Variants in LRP1B observed in about 807,000 individuals in gnomAD.
LRP1B encodes the protein LDL receptor related protein 1B.
In LRP1B, 217 loss-of-function variants were observed where a neutral mutation model predicts 556.6. That is an observed-to-expected ratio of 0.39 (90% CI 0.35 to 0.44). The LOEUF is 0.44. LRP1B is among the 20% of genes least tolerant of loss of function. LRP1B has a pLI of 1.00. For synonymous variants in LRP1B, 2,047 were observed against 1,865.8 expected, an observed-to-expected ratio of 1.10 and a Z score of -2.50; for missense variants, 5,053 against 5,620.8, an observed-to-expected ratio of 0.90 and a Z score of 3.23.
intron 79 of LRP1B, among the ~76,000 whole-genome samples, chr2:140,331,142 G>T (rs658832): frequency 0.68 from 104,063 of 152,004 alleles, 35,958 homozygotes; most frequent in Non-Finnish European, 0.74. Context: ...TGTAGCACTG[G>T]TCACAATAGC....
chr2:140,740,318 G>A (rs1431479375), intron 35 of LRP1B, among the ~76,000 whole-genome samples: 1 of 152,136 alleles, frequency 6.6e-6, no homozygotes, highest in Non-Finnish European at 1.5e-5. Flanking sequence ...GTGTATGATG[G>A]AATACTACTC....
chr2:141,399,465 T>C (rs1439289457), intron 3 of LRP1B, among the ~76,000 whole-genome samples: 3 of 152,132 alleles, frequency 2.0e-5, no homozygotes, highest in African/African-American at 4.8e-5. Context: ...CTGCAGAGCA[T>C]GTGCTTATGG....
At chr2:140,588,547 G>A (rs1306877348) in intron 43 of LRP1B, among the ~76,000 whole-genome samples, 2 of 152,202 alleles carry the variant, frequency 1.3e-5, no homozygotes, top group African/African-American at 4.8e-5. Flanking sequence ...GAAAATCAAG[G>A]CTGTGTGTTA....
At chr2:141,914,133 T>A (rs1260040191) in intron 1 of LRP1B, among the ~76,000 whole-genome samples, 1 of 152,172 alleles carries the variant, frequency 6.6e-6, no homozygotes, top group East Asian at 1.9e-4. Context: ...CCTAGGAATA[T>A]GAGGTAACAA....
At chr2:140,864,097 T>C (rs1692878647) in intron 27 of LRP1B, among the ~76,000 whole-genome samples, 1 of 151,888 alleles carries the variant, frequency 6.6e-6, no homozygotes. Context: ...TTAGTATTTC[T>C]CTGTCTTAGG....
intron 1 of LRP1B, among the ~76,000 whole-genome samples, chr2:142,109,249 A>C (rs941151464): frequency 3.3e-5 from 5 of 152,212 alleles, no homozygotes; most frequent in African/African-American, 1.2e-4. Flanking sequence ...ACTAGGAAAA[A>C]GGACATTTAG....
chr2:141,151,684 C>G (rs908748711), intron 7 of LRP1B, among the ~76,000 whole-genome samples: 1 of 152,086 alleles, frequency 6.6e-6, no homozygotes, highest in Non-Finnish European at 1.5e-5. Context: ...CTGGGGATCC[C>G]AGTCTCGAGC....
intron 55 of LRP1B, among the ~76,000 whole-genome samples, chr2:140,498,498 G>A (rs575523705): frequency 1.3e-5 from 2 of 151,794 alleles, no homozygotes; most frequent in Non-Finnish European, 1.5e-5. Context: ...CATTCTATTT[G>A]TTTTACTGCA....
At chr2:140,676,214 G>A (rs912673969) in intron 41 of LRP1B, among the ~76,000 whole-genome samples, 10 of 152,064 alleles carry the variant, frequency 6.6e-5, no homozygotes, top group Admixed American at 2.6e-4. Context: ...AGATAAAAGC[G>A]CAAGAGTACA....
At chr2:141,665,049 C>T (rs1377470061) in intron 2 of LRP1B, among the ~76,000 whole-genome samples, 1 of 152,094 alleles carries the variant, frequency 6.6e-6, no homozygotes, top group African/African-American at 2.4e-5. Flanking sequence ...AGAAATAAGA[C>T]TGCACATCTA....
chr2:141,283,088 T>A (rs1017764158), intron 3 of LRP1B, among the ~76,000 whole-genome samples: 5 of 152,152 alleles, frequency 3.3e-5, no homozygotes, highest in African/African-American at 1.2e-4. Flanking sequence ...ATTATTCAAG[T>A]TTATACACAA....
chr2:140,427,444 A>T (rs1259008947), intron 66 of LRP1B, among the ~76,000 whole-genome samples: 4 of 152,060 alleles, frequency 2.6e-5, no homozygotes, highest in African/African-American at 9.7e-5. Flanking sequence ...GTTCTTAAGA[A>T]CTTAAAACCT....
intron 86 of LRP1B, among the ~76,000 whole-genome samples, chr2:140,269,609 A>C (rs1682368265): frequency 6.6e-6 from 1 of 151,924 alleles, no homozygotes; most frequent in South Asian, 2.1e-4. Flanking sequence ...CAGTGATGAA[A>C]CTCACAACAG....
At chr2:141,723,193 G>C (rs933445665) in intron 2 of LRP1B, among the ~76,000 whole-genome samples, 105 of 150,276 alleles carry the variant, frequency 7.0e-4, no homozygotes, top group African/African-American at 2.5e-3. Flanking sequence ...TTTCATTATT[G>C]TTTTAGTTCA....
intron 3 of LRP1B, among the ~76,000 whole-genome samples, chr2:141,268,391 G>A (rs1684967963): frequency 6.6e-6 from 1 of 152,128 alleles, no homozygotes; most frequent in South Asian, 2.1e-4. Context: ...TTCTAATGCA[G>A]TAAAATCTAA....
intron 2 of LRP1B, among the ~76,000 whole-genome samples, chr2:141,677,855 G>C (rs935985848): frequency 2.6e-5 from 4 of 152,284 alleles, no homozygotes; most frequent in Admixed American, 6.5e-5. Context: ...CCATAACCTA[G>C]CCTTGGGGAA....
chr2:141,112,702 C>A (rs1376822267), intron 7 of LRP1B, among the ~76,000 whole-genome samples: 1 of 152,120 alleles, frequency 6.6e-6, no homozygotes, highest in Non-Finnish European at 1.5e-5. Context: ...CTGCAAGAAC[C>A]TAACCTTGTA....
chr2:140,734,201 C>T (rs1032241615), intron 35 of LRP1B, among the ~76,000 whole-genome samples: 42 of 152,108 alleles, frequency 2.8e-4, no homozygotes, highest in African/African-American at 8.9e-4. Context: ...TCTAGGAAAA[C>T]GAAATTCAGA....
chr2:140,915,214 A>G (rs948727520), intron 21 of LRP1B, among the ~76,000 whole-genome samples: 1 of 152,152 alleles, frequency 6.6e-6, no homozygotes, highest in Non-Finnish European at 1.5e-5. Flanking sequence ...AAAAGGTAAT[A>G]AAATCAAAGA....
Sources: gnomAD v4.1 joint callset for allele counts (sites outside exome capture counted in the v4.1 genomes callset) on GRCh38, gnomAD v4.1.1 for gene constraint, MANE v1.5 for transcripts, NCBI Gene and HGNC (gene_info 2026-07-23, HGNC 2026-07-21) for gene names.